Variants in WWOX observed in about 807,000 individuals in gnomAD.
WWOX encodes WW domain-containing oxidoreductase.
WWOX carries 69 observed loss-of-function variants against 46.2 expected under a neutral mutation model. The observed-to-expected ratio is 1.49, with a 90% confidence interval of 1.23 to 1.82. WWOX has a LOEUF of 1.82. Among genes scored for constraint, WWOX ranks in the 40% most tolerant of loss-of-function variants. The pLI, the probability that WWOX is intolerant of heterozygous loss-of-function variation, is 0.00. For synonymous variants in WWOX, 359 were observed against 202.6 expected (o/e 1.77, Z -6.56); for missense variants, 919 against 542.6 (o/e 1.69, Z -6.89).
chr16:78,983,661 G>C (rs975930621), intron 8 of WWOX, among the ~76,000 whole-genome samples: 1 of 152,114 alleles, frequency 6.6e-6, no homozygotes, highest in Non-Finnish European at 1.5e-5. Flanking sequence ...AATGGAATCG[G>C]CTGCAGGATG....
intron 8 of WWOX, among the ~76,000 whole-genome samples, chr16:78,805,008 C>G (rs757112892): frequency 2.6e-5 from 4 of 152,210 alleles, no homozygotes; most frequent in Non-Finnish European, 5.9e-5. Flanking sequence ...ATTTGGGAAG[C>G]TTTGCATGAG....
intron 8 of WWOX, among the ~76,000 whole-genome samples, chr16:79,038,434 C>T (rs1445664630): frequency 1.3e-5 from 2 of 151,778 alleles, no homozygotes; most frequent in African/African-American, 2.4e-5. Context: ...TTTAACATGC[C>T]CTAGACATGC....
At chr16:78,639,546 C>G (rs1277485921) in intron 8 of WWOX, among the ~76,000 whole-genome samples, 1 of 150,516 alleles carries the variant, frequency 6.6e-6, no homozygotes, top group East Asian at 2.0e-4. Context: ...GGCCTCCCCT[C>G]AGACTCCAGG....
At chr16:78,760,509 G>C (rs928580031) in intron 8 of WWOX, among the ~76,000 whole-genome samples, 1 of 152,138 alleles carries the variant, frequency 6.6e-6, no homozygotes, top group Non-Finnish European at 1.5e-5. Flanking sequence ...ACATTACTCA[G>C]CCCAACACAC....
At chr16:78,308,363 G>C (rs2080172448) in intron 5 of WWOX, among the ~76,000 whole-genome samples, 1 of 152,126 alleles carries the variant, frequency 6.6e-6, no homozygotes, top group Non-Finnish European at 1.5e-5. Context: ...TGGGAAGAGG[G>C]GGTTGGATAT....
At chr16:78,271,649 GTTTTCTCTCA>G (rs1000053211) in intron 5 of WWOX, among the ~76,000 whole-genome samples, 4 of 152,182 alleles carry the variant, frequency 2.6e-5, no homozygotes, top group African/African-American at 9.7e-5. Context: ...GAGGTGGGAG[GTTTTCTCTCA>G]TCCTTGAGTT....
At chr16:78,408,314 C>T (rs895893265) in intron 6 of WWOX, among the ~76,000 whole-genome samples, 34 of 152,142 alleles carry the variant, frequency 2.2e-4, no homozygotes, top group African/African-American at 8.2e-4. Context: ...ACCTTCTGTG[C>T]ATGCTCACAA....
At chr16:78,673,532 A>T (rs998224701) in intron 8 of WWOX, among the ~76,000 whole-genome samples, 1 of 152,170 alleles carries the variant, frequency 6.6e-6, no homozygotes, top group Non-Finnish European at 1.5e-5. Flanking sequence ...TGCATACTTG[A>T]TTGGAAAGAG....
rs182501868 is a variant in WWOX, at chr16:78,222,813, G to A, written c.516+58524G>A. ...CTATTTCAAGTATTTCAGTTTTATG[G>A]TGCTGAAGAAGTGACACGCGCTCCA... On this transcript the variant is annotated intron_variant, in intron 5 of 8. Coordinates refer to ENST00000566780, the MANE Select transcript of WWOX (RefSeq NM_016373.4). Among the ~76,000 whole-genome samples, 476 of 152,334 alleles carry A rather than the reference G, an allele frequency of 3.1e-3. 2 individuals are homozygous for A. The highest frequency in any genetic ancestry group is 0.014 in the Middle Eastern group (4 of 294).
chr16:78,183,938 G>A (rs887554497), intron 5 of WWOX, among the ~76,000 whole-genome samples: 1 of 152,166 alleles, frequency 6.6e-6, no homozygotes, highest in Admixed American at 6.5e-5. Context: ...ATCATTCTCT[G>A]TGCCTTTCGG....
rs371719480 is a variant in WWOX, at chr16:79,014,253, C to T, written c.1057-197355C>T. On this transcript the variant is annotated intron_variant, in intron 8 of 8. Coordinates refer to ENST00000566780, the MANE Select transcript of WWOX (RefSeq NM_016373.4). Reference sequence around the variant, plus strand: ...GGAGTAGTGGTTAGGGTGGTTATGACGCATGGGACGGGAGAATACCATGCC... The same window carrying T: ...GGAGTAGTGGTTAGGGTGGTTATGATGCATGGGACGGGAGAATACCATGCC... Among the ~76,000 whole-genome samples, 25 of 152,242 alleles carry T rather than the reference C, an allele frequency of 1.6e-4. 1 individual carries two copies. The highest frequency in any genetic ancestry group is 5.8e-4 in the East Asian group (3 of 5,184).
intron 6 of WWOX, among the ~76,000 whole-genome samples, chr16:78,411,296 T>A (rs2082675371): frequency 1.3e-5 from 2 of 152,162 alleles, no homozygotes; most frequent in South Asian, 4.1e-4. Flanking sequence ...TTGCTTCTTT[T>A]TAATGTTGAG....
intron 5 of WWOX, among the ~76,000 whole-genome samples, chr16:78,261,737 T>A (rs1331236069): frequency 8.9e-6 from 1 of 112,802 alleles, no homozygotes; most frequent in African/African-American, 3.7e-5. Context: ...CCATTTGCCA[T>A]GTGTGTGTGT....
chr16:78,163,665 C>T (rs896369308), intron 4 of WWOX, among the ~76,000 whole-genome samples: 1 of 152,158 alleles, frequency 6.6e-6, no homozygotes, highest in Non-Finnish European at 1.5e-5. Flanking sequence ...TTTTGTCCAT[C>T]TTTTCTAATT....
intron 8 of WWOX, among the ~76,000 whole-genome samples, chr16:78,623,133 T>G (rs2046229553): frequency 6.6e-6 from 1 of 151,944 alleles, no homozygotes; most frequent in Non-Finnish European, 1.5e-5. Flanking sequence ...GATTTCAGCA[T>G]GGTAAGACCC....
chr16:79,013,509 A>G (rs779759559), intron 8 of WWOX, among the ~76,000 whole-genome samples: 1 of 152,168 alleles, frequency 6.6e-6, no homozygotes, highest in Admixed American at 6.5e-5. Context: ...AAGTCACTCA[A>G]AGCTCAGGCG....
chr16:78,693,313 G>T (rs185870507), intron 8 of WWOX, among the ~76,000 whole-genome samples: 1 of 152,124 alleles, frequency 6.6e-6, no homozygotes, highest in African/African-American at 2.4e-5. Flanking sequence ...CTACCCACAG[G>T]ACCCTCTGCA....
chr16:78,552,755 C>T (rs2044204272), intron 8 of WWOX: 1 of 152,236 alleles, frequency 6.6e-6, no homozygotes. Flanking sequence ...TTCTTTATTC[C>T]TTCTTCATTC....
At chr16:79,031,439 C>G (rs1353862097) in intron 8 of WWOX, among the ~76,000 whole-genome samples, 4 of 62,154 alleles carry the variant, frequency 6.4e-5, no homozygotes, top group Non-Finnish European at 1.7e-4. Flanking sequence ...TTCAAGTGGG[C>G]TGAAGAAAGG....
Sources: allele counts gnomAD v4.1 joint callset (sites outside exome capture counted in the v4.1 genomes callset), GRCh38; gene constraint gnomAD v4.1.1; transcripts MANE v1.5; gene names NCBI Gene and HGNC (gene_info 2026-07-23, HGNC 2026-07-21).